The following SPAG16 variants were observed in gnomAD, a reference collection of about 807,000 sequenced individuals.
SPAG16 encodes the protein sperm associated antigen 16.
A neutral mutation model predicts 80.4 loss-of-function variants in SPAG16; 86 were observed. The observed-to-expected ratio is 1.07, with a 90% CI of 0.90 to 1.28. The LOEUF is 1.28. Ranked by LOEUF, SPAG16 falls within the 50% of genes most tolerant of loss-of-function variation. SPAG16 has a pLI of 0.00. For synonymous variants in SPAG16, 294 were observed against 265.9 expected, an observed-to-expected ratio of 1.11 and a Z score of -1.03; for missense variants, 870 against 765.3, an observed-to-expected ratio of 1.14 and a Z score of -1.61.
chr2:213,591,772 G>A (rs1255196429), intron 10 of SPAG16, among the ~76,000 whole-genome samples: 1 of 152,078 alleles, frequency 6.6e-6, no homozygotes, highest in East Asian at 1.9e-4. Context: ...GAGTAAGGAG[G>A]AATTCTGGCT....
At chr2:214,063,777 C>T (rs1271070377) in intron 13 of SPAG16, among the ~76,000 whole-genome samples, 1 of 152,078 alleles carries the variant, frequency 6.6e-6, no homozygotes, top group South Asian at 2.1e-4. Flanking sequence ...TTCCATGAGG[C>T]CATGCCAGAT....
intron 15 of SPAG16, among the ~76,000 whole-genome samples, chr2:214,236,118 T>G (rs1239787010): frequency 6.6e-6 from 1 of 152,184 alleles, no homozygotes; most frequent in East Asian, 1.9e-4. Flanking sequence ...CAGACTATAT[T>G]ATTGTGTAAA....
At chr2:213,538,797 A>G (rs1167264549) in intron 10 of SPAG16, among the ~76,000 whole-genome samples, 1 of 150,066 alleles carries the variant, frequency 6.7e-6, no homozygotes, top group Non-Finnish European at 1.5e-5. Flanking sequence ...CCAAAAAAGT[A>G]TGTATGTACA....
chr2:213,564,747 C>T (rs2059705365), intron 10 of SPAG16, among the ~76,000 whole-genome samples: 1 of 152,116 alleles, frequency 6.6e-6, no homozygotes, highest in Admixed American at 6.6e-5. Context: ...CGTTCATTAA[C>T]TTTGTTAATA....
chr2:213,749,962 A>G (rs1036871830), intron 10 of SPAG16, among the ~76,000 whole-genome samples: 2 of 152,142 alleles, frequency 1.3e-5, no homozygotes, highest in African/African-American at 4.8e-5. Context: ...GGTACTTTTA[A>G]TCTTGTTTTC....
At chr2:213,500,847 C>G (rs1391568107) in intron 10 of SPAG16, among the ~76,000 whole-genome samples, 3 of 152,188 alleles carry the variant, frequency 2.0e-5, no homozygotes, top group African/African-American at 4.8e-5. Context: ...ACTTGGGCCT[C>G]CTAGTGTCCA....
At chr2:213,914,306 T>C (rs1311616647) in intron 11 of SPAG16, among the ~76,000 whole-genome samples, 1 of 152,094 alleles carries the variant, frequency 6.6e-6, no homozygotes, top group Non-Finnish European at 1.5e-5. Flanking sequence ...ACAAAAAAAT[T>C]AATGAAAAGT....
chr2:214,217,573 T>C (rs1417316685), intron 15 of SPAG16, among the ~76,000 whole-genome samples: 1 of 152,090 alleles, frequency 6.6e-6, no homozygotes, highest in African/African-American at 2.4e-5. Flanking sequence ...CTCTTAAGAG[T>C]ACTTAATAAA....
In SPAG16 at chr2:213,965,121, C is replaced by G. The variant is rs555830143; in HGVS notation, c.1400+34976C>G. ...TTGTTTAGTGGCTTGGCTGACTGTTCCAATGCAGTCTGTTTTCTCCACAGT... is the reference window on the plus strand; with the variant it reads ...TTGTTTAGTGGCTTGGCTGACTGTTGCAATGCAGTCTGTTTTCTCCACAGT... On this transcript the variant is annotated intron_variant, in intron 12 of 15. Coordinates refer to ENST00000331683, the MANE Select transcript of SPAG16 (RefSeq NM_024532.5). Among the ~76,000 whole-genome samples the G allele has an allele frequency of 7.2e-5, 11 of 152,218 alleles. No homozygotes were observed. In the East Asian group the frequency reaches 2.1e-3, roughly 29 times the overall value.
At chr2:213,785,142 T>C (rs1271329842) in intron 10 of SPAG16, among the ~76,000 whole-genome samples, 1 of 152,164 alleles carries the variant, frequency 6.6e-6, no homozygotes, top group Non-Finnish European at 1.5e-5. Context: ...CTCCTACTGC[T>C]CTCAGGTAAC....
At chr2:213,499,151 A>C (rs138336973) in intron 10 of SPAG16, among the ~76,000 whole-genome samples, 2 of 152,118 alleles carry the variant, frequency 1.3e-5, no homozygotes, top group African/African-American at 4.8e-5. Flanking sequence ...ATTCAATGAA[A>C]TCCCTTCATG....
At chr2:213,941,179 G>C (rs1487913327) in intron 12 of SPAG16, among the ~76,000 whole-genome samples, 1 of 152,042 alleles carries the variant, frequency 6.6e-6, no homozygotes, top group Non-Finnish European at 1.5e-5. Flanking sequence ...TCCACTGTAT[G>C]GTTTGGAATT....
chr2:213,683,146 A>G (rs575102009), intron 10 of SPAG16, among the ~76,000 whole-genome samples: 5 of 152,328 alleles, frequency 3.3e-5, no homozygotes, highest in African/African-American at 1.2e-4. Context: ...CATATAAGTA[A>G]AACTCAAAGA....
At chr2:214,018,859 T>C (rs568523315) in intron 13 of SPAG16, among the ~76,000 whole-genome samples, 15 of 152,318 alleles carry the variant, frequency 9.8e-5, no homozygotes, top group African/African-American at 3.4e-4. Flanking sequence ...AAATCATTAA[T>C]ATGATCTAAC....
intron 15 of SPAG16, among the ~76,000 whole-genome samples, chr2:214,291,887 T>A (rs1413295532): frequency 6.6e-6 from 1 of 152,200 alleles, no homozygotes; most frequent in Non-Finnish European, 1.5e-5. Flanking sequence ...TGATAGTAAA[T>A]GTTGTCTTTT....
intron 15 of SPAG16, chr2:214,241,031 A>C (rs945447146): frequency 3.3e-5 from 5 of 152,082 alleles, no homozygotes; most frequent in African/African-American, 1.2e-4. Context: ...TCAGCTGTAC[A>C]TAAAGATGGA....
At chr2:214,016,856 C>T (rs1299981596) in intron 13 of SPAG16, among the ~76,000 whole-genome samples, 3 of 152,050 alleles carry the variant, frequency 2.0e-5, no homozygotes, top group Non-Finnish European at 2.9e-5. Context: ...TTTCTGGTTC[C>T]TGGGTCAATA....
chr2:214,342,377 A>G (rs1697762323), intron 15 of SPAG16, among the ~76,000 whole-genome samples: 1 of 152,192 alleles, frequency 6.6e-6, no homozygotes, highest in Non-Finnish European at 1.5e-5. Context: ...TTTACAGTAC[A>G]TTCTTGCACT....
intron 13 of SPAG16, among the ~76,000 whole-genome samples, chr2:214,054,556 T>C (rs2049835675): frequency 6.6e-6 from 1 of 152,140 alleles, no homozygotes; most frequent in Non-Finnish European, 1.5e-5. Context: ...GAAGAAAATA[T>C]CCACCAAATT....
Sources: gnomAD v4.1 joint callset for allele counts (sites outside exome capture counted in the v4.1 genomes callset) on GRCh38, gnomAD v4.1.1 for gene constraint, MANE v1.5 for transcripts, NCBI Gene and HGNC (gene_info 2026-07-23, HGNC 2026-07-21) for gene names.